The following FSHR variants were observed in gnomAD, a reference collection of about 807,000 sequenced individuals.
FSHR encodes follicle stimulating hormone receptor.
FSHR carries 46 observed loss-of-function variants against 52.1 expected under a neutral mutation model. The ratio of observed to expected loss-of-function variants is 0.88; its 90% CI spans 0.70 to 1.13. The LOEUF (loss-of-function observed/expected upper bound fraction) is 1.13, where lower values mean the gene tolerates loss of function less well. FSHR is among the 50% of genes most tolerant of loss of function. The pLI is 0.00. For synonymous variants in FSHR, 399 were observed against 309.6 expected, an observed-to-expected ratio of 1.29 and a Z score of -3.03; for missense variants, 964 against 834.6, an observed-to-expected ratio of 1.16 and a Z score of -1.91.
Position 48,988,963 on chromosome 2 carries a change from T to A in FSHR, c.524+14A>T, listed in dbSNP as rs1334017703. 1 of 1,607,004 alleles carries A rather than the reference T, an allele frequency of 6.2e-7. No homozygotes were observed. The highest frequency in any genetic ancestry group is 2.2e-5 in the East Asian group (1 of 44,814). The stretch of plus-strand genomic sequence containing the variant: ...TCAAATGTTACTCTGTTGGATTTTT[T>A]CCCCCTTACTTACAGAATCACACTT... On this transcript the variant is annotated intron_variant, in intron 6 of 9. Coordinates refer to ENST00000406846, the MANE Select transcript of FSHR (RefSeq NM_000145.4).
intron 1 of FSHR, among the ~76,000 whole-genome samples, chr2:49,082,235 G>A (rs930871067): frequency 6.6e-6 from 1 of 152,154 alleles, no homozygotes; most frequent in African/African-American, 2.4e-5. Context: ...AGCAGGGGCA[G>A]ACTGACACCT....
At chr2:48,987,023 G>A (rs910867452) in intron 6 of FSHR, among the ~76,000 whole-genome samples, 2 of 151,944 alleles carry the variant, frequency 1.3e-5, no homozygotes, top group Non-Finnish European at 2.9e-5. Flanking sequence ...TTTCAAGAAA[G>A]ATCCAAATAA....
chr2:49,036,457 T>C (rs933443057), intron 2 of FSHR, among the ~76,000 whole-genome samples: 4 of 151,362 alleles, frequency 2.6e-5, no homozygotes, highest in Non-Finnish European at 4.4e-5. Flanking sequence ...AATCATGTTA[T>C]ATATTGTTAT....
chr2:49,062,828 A>G (rs1254563690), intron 2 of FSHR, among the ~76,000 whole-genome samples: 1 of 152,150 alleles, frequency 6.6e-6, no homozygotes, highest in Non-Finnish European at 1.5e-5. Context: ...ACTAATTATC[A>G]GAAAAATGCA....
At chr2:49,031,927 C>G (rs908072170) in intron 2 of FSHR, among the ~76,000 whole-genome samples, 12 of 152,162 alleles carry the variant, frequency 7.9e-5, no homozygotes, top group African/African-American at 2.9e-4. Flanking sequence ...CTACTAGAGT[C>G]TAGTCTAGTG....
chr2:48,968,744 T>C lies in FSHR; in HGVS notation c.808A>G (p.Thr270Ala). The change falls in exon 9 of 10, where the codon ACC becomes GCC. Residue 270 changes from threonine to alanine, a missense_variant. By Grantham distance (58) the Thr-to-Ala change is moderately conservative. Coordinates refer to ENST00000406846, the MANE Select transcript of FSHR (RefSeq NM_000145.4). Reference protein sequence around the residue: ...KLVALMEASLTYPSHCCAFAN... With the variant: ...KLVALMEASLAYPSHCCAFAN... ...AAGGCACAGCAATGGCTGGGATAGG[T>C]GAGGCTGGCTTCCATGAGGGCGACA... The C allele has an allele frequency of 6.2e-7, 1 of 1,614,154 alleles. No individual in the cohort carries two copies. The highest frequency in any genetic ancestry group is 1.1e-5 in the South Asian group (1 of 91,082).
intron 1 of FSHR, among the ~76,000 whole-genome samples, chr2:49,153,391 G>A (rs1673130745): frequency 6.6e-6 from 1 of 151,992 alleles, no homozygotes; most frequent in Non-Finnish European, 1.5e-5. Flanking sequence ...TTCCCTCACT[G>A]TTGCTCTAAT....
intron 3 of FSHR, among the ~76,000 whole-genome samples, chr2:49,018,628 G>C (rs898148099): frequency 6.6e-6 from 1 of 152,190 alleles, no homozygotes; most frequent in Admixed American, 6.5e-5. Context: ...GATAATGTCT[G>C]TGGGTTCTTC....
In FSHR at chr2:49,120,555, T is replaced by G. The variant is rs138131678; in HGVS notation, c.152+33711A>C. Among the ~76,000 whole-genome samples, 724 of 152,292 alleles carry G rather than the reference T, an allele frequency of 4.8e-3. 16 individuals carry two copies. Among genetic ancestry groups the G allele is most frequent in the Admixed American group, 0.042 (644 of 15,298 alleles). On this transcript the variant is annotated intron_variant, in intron 1 of 9. Coordinates refer to ENST00000406846, the MANE Select transcript of FSHR (RefSeq NM_000145.4). ...TTATGTCCTTGAAAGAGCTGGAATT[T>G]GTTGGTGTAAGTTGCACTCCATAGC...
chr2:49,065,189 T>A (rs1483564844), intron 2 of FSHR, among the ~76,000 whole-genome samples: 1 of 152,118 alleles, frequency 6.6e-6, no homozygotes, highest in African/African-American at 2.4e-5. Flanking sequence ...GGGTTTTGAT[T>A]TCTGTGCCAG....
intron 1 of FSHR, among the ~76,000 whole-genome samples, chr2:49,146,223 C>G (rs953672697): frequency 4.6e-5 from 7 of 152,044 alleles, no homozygotes; most frequent in Admixed American, 3.9e-4. Flanking sequence ...GAGGCAATGC[C>G]ATCTTCTAGG....
At chr2:49,021,831 T>TTTTCTCTCTCTCTCTCTCTCTCTCTC (rs760578631) in intron 2 of FSHR, among the ~76,000 whole-genome samples, 2 of 46,536 alleles carry the variant, frequency 4.3e-5, no homozygotes, top group Admixed American at 2.5e-4. Flanking sequence ...GGGTATGTGT[T>TTTTCTCTCTCTCTCTCTCTCTCTCTC]TCTCTCTCTC....
At chr2:49,029,374 G>A (rs1668022844) in intron 2 of FSHR, among the ~76,000 whole-genome samples, 2 of 152,246 alleles carry the variant, frequency 1.3e-5, no homozygotes, top group South Asian at 4.1e-4. Flanking sequence ...TAACAATGGG[G>A]GCTACTAAAT....
chr2:49,013,237 C>A (rs1315311332), intron 4 of FSHR, among the ~76,000 whole-genome samples: 1 of 151,482 alleles, frequency 6.6e-6, no homozygotes, highest in Non-Finnish European at 1.5e-5. Context: ...GACTTCCCAG[C>A]CTCTAGAACT....
intron 1 of FSHR, among the ~76,000 whole-genome samples, chr2:49,096,733 C>T (rs768571473): frequency 2.6e-5 from 4 of 151,914 alleles, no homozygotes; most frequent in South Asian, 2.1e-4. Context: ...AATTGTAATC[C>T]CCAGTATTGG....
At chr2:49,012,390 G>C (rs1299040147) in intron 4 of FSHR, among the ~76,000 whole-genome samples, 1 of 151,994 alleles carries the variant, frequency 6.6e-6, no homozygotes, top group Admixed American at 6.6e-5. Context: ...TTCAAGTTAA[G>C]AACACTTCTT....
chr2:49,004,450 T>G (rs1049318331), intron 4 of FSHR, among the ~76,000 whole-genome samples: 1 of 152,302 alleles, frequency 6.6e-6, no homozygotes, highest in Admixed American at 6.5e-5. Flanking sequence ...ACTTCCTCTT[T>G]CCATACAGGG....
chr2:48,990,748 C>T (rs2104102038), intron 4 of FSHR, 111 bp from the exon 5 acceptor site: 1 of 776,986 alleles, frequency 1.3e-6, no homozygotes, highest in East Asian at 2.5e-5. Flanking sequence ...TCAGAAAAAT[C>T]TACGAGAAAA....
intron 9 of FSHR, among the ~76,000 whole-genome samples, chr2:48,964,929 C>T (rs1559071866): frequency 2.0e-5 from 3 of 151,474 alleles, no homozygotes; most frequent in Non-Finnish European, 2.9e-5. Context: ...AAAGGTAATA[C>T]TTCTGTTTGG....
Sources: allele counts gnomAD v4.1 joint callset (sites outside exome capture counted in the v4.1 genomes callset), GRCh38; gene constraint gnomAD v4.1.1; transcripts MANE v1.5; gene names NCBI Gene and HGNC (gene_info 2026-07-23, HGNC 2026-07-21).